Variants in MPHOSPH9 observed in about 807,000 individuals in gnomAD.
MPHOSPH9 encodes the protein M-phase phosphoprotein 9.
A neutral mutation model predicts 145.5 loss-of-function variants in MPHOSPH9; 88 were observed. The ratio of observed to expected loss-of-function variants is 0.60; its 90% confidence interval spans 0.51 to 0.72. The LOEUF (loss-of-function observed/expected upper bound fraction) is 0.72. MPHOSPH9 is among the 30% of genes least tolerant of loss of function. The pLI, the probability that MPHOSPH9 is intolerant of heterozygous loss-of-function variation, is 0.00. For missense variants in MPHOSPH9, 1,238 were observed against 1,386.6 expected (o/e 0.89, Z 1.70); for synonymous variants, 435 against 486.2 (o/e 0.89, Z 1.39).
At chr12:123,162,030 T>G (rs1394040500) in intron 21 of MPHOSPH9, 85 bp downstream of exon 21, 1 of 804,000 alleles carries the variant, frequency 1.2e-6, no homozygotes, top group East Asian at 2.8e-5. Flanking sequence ...TGCAAGATAT[T>G]ATAATATTTA....
At chr12:123,208,368 C>T (rs991822597) in intron 8 of MPHOSPH9, among the ~76,000 whole-genome samples, 12 of 151,448 alleles carry the variant, frequency 7.9e-5, no homozygotes, top group African/African-American at 2.4e-4. Flanking sequence ...GAAACCCCGT[C>T]TCTACTAAAA....
At chr12:123,196,217 G>A (rs1182739267) in intron 12 of MPHOSPH9, among the ~76,000 whole-genome samples, 1 of 152,082 alleles carries the variant, frequency 6.6e-6, no homozygotes, top group East Asian at 1.9e-4. Context: ...GGGCTTGGTG[G>A]TGGGCACCTG....
In MPHOSPH9 at chr12:123,203,240, A is replaced by G. The variant is rs371818296; in HGVS notation, c.1320+10T>C. 1.9e-6 allele frequency: 3 copies of G among 1,611,248 alleles called. No homozygotes were observed. The African/African-American group carries it at 4.0e-5, about 22-fold the overall frequency. ...TTCACGTTCACTCGGCAGAATGTGGACAACTTTACCTCTGGTGGATGATTT... is the reference window on the plus strand; with the variant it reads ...TTCACGTTCACTCGGCAGAATGTGGGCAACTTTACCTCTGGTGGATGATTT... On this transcript the variant is annotated intron_variant, in intron 9 of 23. Transcript: ENST00000606320.
At chr12:123,192,942 C>G (rs746373578) in intron 13 of MPHOSPH9, among the ~76,000 whole-genome samples, 1 of 150,582 alleles carries the variant, frequency 6.6e-6, no homozygotes, top group African/African-American at 2.4e-5. Flanking sequence ...GCTGGTGGCA[C>G]GCGCCTGTAC....
chr12:123,191,463 T>C (rs1014654245), intron 13 of MPHOSPH9, among the ~76,000 whole-genome samples: 1 of 152,218 alleles, frequency 6.6e-6, no homozygotes, highest in Non-Finnish European at 1.5e-5. Flanking sequence ...GCTAATGTTT[T>C]TTATTTTTAA....
chr12:123,172,489 T>C (rs1004759734), intron 16 of MPHOSPH9, among the ~76,000 whole-genome samples: 1 of 152,038 alleles, frequency 6.6e-6, no homozygotes, highest in Admixed American at 6.6e-5. Context: ...CATGCCACCA[T>C]ACCCAGCTAA....
At chr12:123,214,622 A>G (rs2046881374) in intron 7 of MPHOSPH9, 122 bp downstream of exon 7, 3 of 733,132 alleles carry the variant, frequency 4.1e-6, no homozygotes, top group Non-Finnish European at 4.6e-6. Flanking sequence ...ACTATACAGT[A>G]TCATCCCATA....
chr12:123,214,680 CTAAG>C, intron 7 of MPHOSPH9, 60 bp downstream of exon 7: 2 of 1,303,018 alleles, frequency 1.5e-6, no homozygotes. Flanking sequence ...CTCTAAAAAT[CTAAG>C]TACCTTCCTC....
intron 13 of MPHOSPH9, among the ~76,000 whole-genome samples, chr12:123,185,335 A>C (rs966894836): frequency 6.6e-6 from 1 of 152,088 alleles, no homozygotes; most frequent in Admixed American, 6.6e-5. Flanking sequence ...AACTAAAAAA[A>C]AAAAAAATAT....
chr12:123,167,514 C>G (rs74717258), intron 16 of MPHOSPH9, among the ~76,000 whole-genome samples: 7,588 of 152,170 alleles, frequency 0.05, 611 homozygotes, highest in African/African-American at 0.17. Context: ...GCAACATGCT[C>G]CTGTAACCAG....
At chr12:123,189,808 C>T (rs1027930094) in intron 13 of MPHOSPH9, among the ~76,000 whole-genome samples, 3 of 151,812 alleles carry the variant, frequency 2.0e-5, no homozygotes, top group Middle Eastern at 3.2e-3. Context: ...TGGTGGCGGG[C>T]ACCTGTAGTC....
chr12:123,229,327 C>T (rs2047549206), intron 2 of MPHOSPH9, among the ~76,000 whole-genome samples: 1 of 152,042 alleles, frequency 6.6e-6, no homozygotes, highest in African/African-American at 2.4e-5. Flanking sequence ...GCTTGTCAGA[C>T]TATGTGCAAA....
At chr12:123,225,306 T>C (rs1203621166) in intron 3 of MPHOSPH9, among the ~76,000 whole-genome samples, 4 of 147,568 alleles carry the variant, frequency 2.7e-5, no homozygotes, top group Non-Finnish European at 6.0e-5. Flanking sequence ...TAGCTGGGCA[T>C]GGTGGTGTGC....
In MPHOSPH9 at chr12:123,230,449, AG is replaced by A; in HGVS notation, c.-86del. 1.5e-6 allele frequency: 1 copy of A among 688,470 alleles called. No homozygotes were observed. The allele number at this position is 688,470 out of a possible 1,614,324, so 42.6% of individuals were successfully genotyped here. A position where few individuals can be genotyped will look rare whatever the true frequency, so the allele number is the denominator to read the frequency against. On this transcript the variant is annotated 5_prime_UTR_variant, in exon 2 of 24. An upstream open reading frame in the 5' UTR loses its in-frame stop. Transcript: ENST00000606320. The stretch of plus-strand genomic sequence containing the variant: ...AAAAATGAATCCGTGTCATCTTCAG[AG>A]GCTTCATCATCTACTGGCATTTTCA...
chr12:123,176,762 G>A lies in MPHOSPH9; in HGVS notation c.2382C>T (p.Val794=). The A allele has an allele frequency of 6.2e-7, 1 of 1,613,548 alleles. No individual in the cohort carries two copies. The highest frequency in any genetic ancestry group is 8.5e-7 in the Non-Finnish European group (1 of 1,179,666). Reference sequence around the variant, plus strand: ...ACATATTTTCATGTTCTACTTGCTTGACCTGAGCTTCAAGTTTTGAAATCA... The same window carrying A: ...ACATATTTTCATGTTCTACTTGCTTAACCTGAGCTTCAAGTTTTGAAATCA... ...KRMISKLEAQ[V]KQVEHENMLS... is the part of the protein sequence containing the mutation. Residue 794 remains valine (V), a synonymous_variant, in exon 16 of 24, where the codon GTC becomes GTT. Transcript: ENST00000606320.
chr12:123,222,059 G>A (rs1565972059), intron 4 of MPHOSPH9, among the ~76,000 whole-genome samples, 164 bp from the exon 5 acceptor site: 1 of 152,136 alleles, frequency 6.6e-6, no homozygotes, highest in Admixed American at 6.6e-5. Context: ...TGGTGGCCAG[G>A]CACAGTGGCT....
chr12:123,235,172 A>G (rs1179429104), upstream of MPHOSPH9, among the ~76,000 whole-genome samples: 1 of 152,192 alleles, frequency 6.6e-6, no homozygotes, highest in East Asian at 1.9e-4. Flanking sequence ...AGTACTTTAC[A>G]TTTATGGCAA....
At chr12:123,236,724 C>G (rs947340511), upstream of MPHOSPH9, among the ~76,000 whole-genome samples, 2 of 152,046 alleles carry the variant, frequency 1.3e-5, no homozygotes, top group African/African-American at 4.8e-5. Context: ...GTTATTCCTG[C>G]TTTTTTAATG....
chr12:123,166,244 C>T (rs1404577188), intron 17 of MPHOSPH9: 1 of 206,594 alleles, frequency 4.8e-6, no homozygotes, highest in African/African-American at 2.4e-5. Context: ...GTAGCTAAAA[C>T]TACAGGCGCA....
Sources: gnomAD v4.1 joint callset for allele counts (sites outside exome capture counted in the v4.1 genomes callset) on GRCh38, gnomAD v4.1.1 for gene constraint, MANE v1.5 for transcripts, NCBI Gene and HGNC (gene_info 2026-07-23, HGNC 2026-07-21) for gene names.